PEAK1: variants seen among roughly 807,000 people sequenced by gnomAD.
PEAK1 encodes pseudopodium enriched atypical kinase 1, also known as inactive tyrosine-protein kinase PEAK1.
Under a neutral mutation model 124.7 loss-of-function variants are expected in PEAK1, and 54 were observed. The observed-to-expected ratio is 0.43, with a 90% CI of 0.35 to 0.54. The LOEUF (loss-of-function observed/expected upper bound fraction) is 0.54. PEAK1 is among the 20% of genes least tolerant of loss of function. The pLI is 0.01. For synonymous variants in PEAK1, 719 were observed against 760.0 expected (o/e 0.95, Z 0.89); for missense variants, 2,046 against 2,134.5 (o/e 0.96, Z 0.82).
intron 6 of PEAK1, among the ~76,000 whole-genome samples, chr15:77,211,365 A>G (rs1348785572): frequency 6.6e-6 from 1 of 152,212 alleles, no homozygotes; most frequent in Non-Finnish European, 1.5e-5. Flanking sequence ...CTGTGGCTTG[A>G]TGTACCATAT....
intron 8 of PEAK1, among the ~76,000 whole-genome samples, chr15:77,144,234 T>C (rs781209617): frequency 1.5e-4 from 23 of 152,204 alleles, no homozygotes; most frequent in Non-Finnish European, 2.2e-4. Context: ...TACCACTATT[T>C]CTCATCAACC....
intron 9 of PEAK1, among the ~76,000 whole-genome samples, chr15:77,123,623 G>C (rs953924587): frequency 2.0e-5 from 3 of 152,132 alleles, no homozygotes; most frequent in African/African-American, 7.2e-5. Flanking sequence ...GGATATGAGG[G>C]ATTAGTCTAC....
intron 6 of PEAK1, among the ~76,000 whole-genome samples, chr15:77,233,540 G>C (rs1363204510): frequency 6.6e-6 from 1 of 152,002 alleles, no homozygotes; most frequent in Non-Finnish European, 1.5e-5. Context: ...CTCAGTGTTG[G>C]AGTGACCAAA....
intron 1 of PEAK1, among the ~76,000 whole-genome samples, chr15:77,401,286 T>C (rs1040076522): frequency 6.6e-6 from 1 of 152,198 alleles, no homozygotes; most frequent in African/African-American, 2.4e-5. Flanking sequence ...ATAATCACCA[T>C]ATAAATGAGC....
chr15:77,106,688 G>C (rs2050757342), downstream of PEAK1: 1 of 152,180 alleles, frequency 6.6e-6, no homozygotes, highest in Non-Finnish European at 1.5e-5. Context: ...TATAACTAAG[G>C]TCTGAGTCTT....
chr15:77,355,040 A>AT (rs1220723273), intron 2 of PEAK1, among the ~76,000 whole-genome samples: 4 of 151,378 alleles, frequency 2.6e-5, no homozygotes, highest in African/African-American at 7.3e-5. Context: ...CTCCATCTCA[A>AT]TAAAAAAAAA....
At chr15:77,238,732 C>T (rs370522303) in intron 6 of PEAK1, among the ~76,000 whole-genome samples, 1 of 152,262 alleles carries the variant, frequency 6.6e-6, no homozygotes, top group African/African-American at 2.4e-5. Context: ...GGTTTCCTAT[C>T]TGTTCTGGAT....
At chr15:77,161,993 A>C in intron 7 of PEAK1, among the ~76,000 whole-genome samples, 1 of 150,538 alleles carries the variant, frequency 6.6e-6, no homozygotes, top group South Asian at 2.1e-4. Context: ...AAGATAAAAG[A>C]GAGACAGGGG....
chr15:77,249,229 C>A (rs2060731133), intron 6 of PEAK1, among the ~76,000 whole-genome samples: 1 of 151,850 alleles, frequency 6.6e-6, no homozygotes, highest in Non-Finnish European at 1.5e-5. Flanking sequence ...GCTTTAAAGA[C>A]CTATCAAGTG....
intron 1 of PEAK1, chr15:77,417,681 C>T: frequency 1.0e-6 from 1 of 985,432 alleles, no homozygotes; most frequent in South Asian, 4.7e-5. Flanking sequence ...GGTATCAACA[C>T]AAATGGCTAG....
At chr15:77,148,945 A>T (rs1291762126) in intron 8 of PEAK1, among the ~76,000 whole-genome samples, 2 of 152,094 alleles carry the variant, frequency 1.3e-5, no homozygotes, top group Non-Finnish European at 2.9e-5. Context: ...AATTTAAAGT[A>T]TTTTTTTAAA....
At chr15:77,378,943 AC>A (rs1236361159) in intron 1 of PEAK1, among the ~76,000 whole-genome samples, 2 of 152,150 alleles carry the variant, frequency 1.3e-5, no homozygotes, top group Non-Finnish European at 2.9e-5. Context: ...TTTGCTCGCC[AC>A]CCCTATATTT....
chr15:77,207,047 A>T (rs1382896920), intron 6 of PEAK1, among the ~76,000 whole-genome samples: 2 of 152,004 alleles, frequency 1.3e-5, no homozygotes, highest in Non-Finnish European at 2.9e-5. Flanking sequence ...GGTGCTGGGA[A>T]AACTGGCTAG....
chr15:77,237,051 C>A (rs1398167834), intron 6 of PEAK1, among the ~76,000 whole-genome samples: 1 of 152,056 alleles, frequency 6.6e-6, no homozygotes, highest in Admixed American at 6.6e-5. Context: ...AGCTGCTGCA[C>A]CTGGCTAGAA....
At chr15:77,276,233 A>G (rs2062317929) in intron 5 of PEAK1, among the ~76,000 whole-genome samples, 1 of 152,226 alleles carries the variant, frequency 6.6e-6, no homozygotes, top group Non-Finnish European at 1.5e-5. Flanking sequence ...TACAGATTCA[A>G]GAAGACAAGT....
chr15:77,106,110 G>C (rs1290905717), downstream of PEAK1: 1 of 152,128 alleles, frequency 6.6e-6, no homozygotes, highest in Non-Finnish European at 1.5e-5. Context: ...CCATCCACTG[G>C]CCTGTATCCT....
intron 2 of PEAK1, among the ~76,000 whole-genome samples, chr15:77,310,230 T>C (rs921255687): frequency 6.6e-6 from 1 of 152,140 alleles, no homozygotes; most frequent in Non-Finnish European, 1.5e-5. Context: ...AATCTGGATG[T>C]TTTTCAGGAG....
intron 2 of PEAK1, among the ~76,000 whole-genome samples, chr15:77,345,307 T>C (rs1031064974): frequency 6.6e-6 from 1 of 152,208 alleles, no homozygotes; most frequent in Non-Finnish European, 1.5e-5. Flanking sequence ...TGTGTGTTTT[T>C]TGCCCTTCAT....
chr15:77,212,553 A>G (rs1313581050), intron 6 of PEAK1, among the ~76,000 whole-genome samples: 1 of 152,210 alleles, frequency 6.6e-6, no homozygotes, highest in Non-Finnish European at 1.5e-5. Flanking sequence ...TGGACTCAAC[A>G]AGACAAAATA....
Sources: allele counts gnomAD v4.1 joint callset (sites outside exome capture counted in the v4.1 genomes callset), GRCh38; gene constraint gnomAD v4.1.1; transcripts MANE v1.5; gene names NCBI Gene and HGNC (gene_info 2026-07-23, HGNC 2026-07-21).